Variants in TAOK1 observed in about 807,000 individuals in gnomAD.
TAOK1 encodes the protein TAO kinase 1.
TAOK1 carries 21 observed loss-of-function variants against 138.3 expected under a neutral mutation model. The ratio of observed to expected loss-of-function variants is 0.15; its 90% CI spans 0.11 to 0.22. TAOK1 has a LOEUF of 0.22. TAOK1 is among the 10% of genes least tolerant of loss of function. TAOK1 has a pLI of 1.00. For missense variants in TAOK1, 651 were observed against 1,227.7 expected (o/e 0.53, Z 7.02); for synonymous variants, 361 against 398.4 (o/e 0.91, Z 1.12).
At position 29,530,623 on chromosome 17, in the gene TAOK1, A is replaced by C. The variant is rs1176058348; in HGVS notation, c.2361+4A>C. ...TGAAATGCTCTCCACACAAGCCGTG[A>C]GTTTGCTTTTTTTGGGGCAAAACAA... On this transcript the variant is annotated splice_donor_region_variant and intron_variant, in intron 18 of 19. Coordinates refer to ENST00000261716, the MANE Select transcript of TAOK1 (RefSeq NM_020791.4). The C allele has an allele frequency of 6.2e-7, 1 of 1,613,658 alleles. No homozygotes were observed. The highest frequency in any genetic ancestry group is 1.1e-5 in the South Asian group (1 of 90,944).
rs2031011707 is a variant in TAOK1 at position 29,479,381 on chromosome 17, A to AT, written c.450-981dup. Among the ~76,000 whole-genome samples, 5 of 152,302 alleles carry AT rather than the reference A, an allele frequency of 3.3e-5. No homozygotes were observed. In the South Asian group the frequency reaches 1.0e-3, roughly 32 times the overall value. On this transcript the variant is annotated intron_variant, in intron 6 of 19. Transcript: ENST00000261716. ...AGTCATTGTGAGTTAATAGGTTATC[A>AT]TTTTTTAACATGAGGATAAGATCTG... is the stretch of plus-strand genomic sequence containing the variant.
chr17:29,415,912 G>A (rs181647746), intron 1 of TAOK1, among the ~76,000 whole-genome samples: 14 of 152,158 alleles, frequency 9.2e-5, no homozygotes, highest in African/African-American at 2.4e-4. Context: ...TCAAATATTC[G>A]CATATTGCCC....
At position 29,439,880 on chromosome 17, in the gene TAOK1, AAAAAAAAAT is replaced by A. The variant is rs1195103589; in HGVS notation, c.-94-11574_-94-11566del. On this transcript the variant is annotated intron_variant, in intron 1 of 19. Transcript: ENST00000261716. The stretch of plus-strand genomic sequence containing the variant: ...TCTGTCTCCTAAAAAAAAAAAAAAA[AAAAAAAAAT>A]TTTTTTTTAAGATAGTCTGTAATAT... Among the ~76,000 whole-genome samples the A allele has an allele frequency of 3.6e-4, 47 of 130,290 alleles. No individual in the cohort carries two copies. In the South Asian group the frequency reaches 8.6e-3, roughly 24 times the overall value. 85.5% of individuals were successfully genotyped at this position (130,290 alleles called of 152,430 possible).
chr17:29,535,123 G>A (rs1330000189), intron 19 of TAOK1, among the ~76,000 whole-genome samples: 3 of 152,198 alleles, frequency 2.0e-5, no homozygotes, highest in South Asian at 4.1e-4. Context: ...ACCAGCCTGG[G>A]CAACACAGGG....
At chr17:29,506,011 G>A (rs532011670) in intron 13 of TAOK1, among the ~76,000 whole-genome samples, 2 of 152,194 alleles carry the variant, frequency 1.3e-5, no homozygotes, top group Non-Finnish European at 2.9e-5. Context: ...ACACATTGTT[G>A]GTGATAACCT....
At chr17:29,472,784 C>T (rs1339106247) in intron 3 of TAOK1, among the ~76,000 whole-genome samples, 2 of 151,870 alleles carry the variant, frequency 1.3e-5, no homozygotes, top group Non-Finnish European at 2.9e-5. Context: ...CCATGTCGGT[C>T]AGGCTAGTCC....
intron 1 of TAOK1, among the ~76,000 whole-genome samples, chr17:29,412,420 C>T (rs1366854660): frequency 1.3e-5 from 2 of 152,212 alleles, no homozygotes; most frequent in East Asian, 3.9e-4. Context: ...CTTTTGGTCT[C>T]ATCTCTTCTT....
At chr17:29,458,973 G>A (rs1263500164) in intron 2 of TAOK1, among the ~76,000 whole-genome samples, 2 of 152,134 alleles carry the variant, frequency 1.3e-5, no homozygotes, top group East Asian at 3.9e-4. Flanking sequence ...ACCCGCCTTG[G>A]CCTCCCAACG....
Position 29,531,689 on chromosome 17 carries a change from G to A in TAOK1, c.2361+1070G>A, listed in dbSNP as rs550332897. Among the ~76,000 whole-genome samples the A allele has an allele frequency of 3.0e-3, 455 of 151,530 alleles. 6 individuals are homozygous for A. Among genetic ancestry groups the A allele is most frequent in the Non-Finnish European group, 9.0e-4 (61 of 67,904 alleles). ...GAGGCGGGAGAATCACCTGAACCCC[G>A]GGGGCAGAGGTTGCAGTGAGCCGAG... On this transcript the variant is annotated intron_variant, in intron 18 of 19. Coordinates refer to ENST00000261716, the MANE Select transcript of TAOK1 (RefSeq NM_020791.4).
At chr17:29,414,975 G>A (rs565841389) in intron 1 of TAOK1, among the ~76,000 whole-genome samples, 1 of 151,406 alleles carries the variant, frequency 6.6e-6, no homozygotes, top group Admixed American at 6.6e-5. Context: ...TTTTGCTCGG[G>A]GGTGGAGGAA....
At chr17:29,440,882 TG>T (rs2029923325) in intron 1 of TAOK1, among the ~76,000 whole-genome samples, 1 of 152,088 alleles carries the variant, frequency 6.6e-6, no homozygotes, top group African/African-American at 2.4e-5. Context: ...GCCTGTTGAG[TG>T]TTTTTATTAT....
chr17:29,475,410 T>G (rs2030923428), intron 3 of TAOK1, among the ~76,000 whole-genome samples: 1 of 152,036 alleles, frequency 6.6e-6, no homozygotes, highest in Non-Finnish European at 1.5e-5. Flanking sequence ...CATGGTGGTG[T>G]GCGCCTGTAG....
At chr17:29,494,824 T>TC (rs2031379565) in intron 10 of TAOK1, among the ~76,000 whole-genome samples, 2 of 67,592 alleles carry the variant, frequency 3.0e-5, no homozygotes, top group Non-Finnish European at 5.2e-5. Context: ...AGACTCCGTC[T>TC]CAAAAAAAAA....
intron 1 of TAOK1, among the ~76,000 whole-genome samples, chr17:29,439,012 C>T (rs1307567542): frequency 6.6e-6 from 1 of 151,820 alleles, no homozygotes; most frequent in Admixed American, 6.6e-5. Flanking sequence ...TACGTAGACA[C>T]TTTTTTTTCC....
Position 29,425,758 on chromosome 17 carries a change from C to G in TAOK1, c.-94-25697C>G, listed in dbSNP as rs1486710938. On this transcript the variant is annotated intron_variant, in intron 1 of 19. Transcript: ENST00000261716. ...ATAAATTATGTTTGAAAATATCATT[C>G]TTGTAATCTAAGATCAAGTGAAATT... Among the ~76,000 whole-genome samples, 4 of 152,142 alleles carry G rather than the reference C, an allele frequency of 2.6e-5. No individual in the cohort carries two copies. In the East Asian group the frequency reaches 7.7e-4, roughly 29 times the overall value.
chr17:29,390,828 C>CT lies in TAOK1; in HGVS notation c.-291_-290insT, dbSNP rs2153019046. The stretch of plus-strand genomic sequence containing the variant: ...TCGACCCCGGTCGTCCCCTCGCCCC[C>CT]CCCCCCACCCCCCGCCGCCGCCGCC... On this transcript the variant is annotated 5_prime_UTR_variant, in exon 1 of 20. Transcript: ENST00000261716. 1 of 150,830 alleles carries CT rather than the reference C, an allele frequency of 6.6e-6. No homozygotes were observed. Among genetic ancestry groups the CT allele is most frequent in the African/African-American group, 2.4e-5 (1 of 41,322 alleles). The allele number at this position is 150,830 out of a possible 1,614,324, so 9.3% of individuals were successfully genotyped here.
intron 1 of TAOK1, among the ~76,000 whole-genome samples, chr17:29,415,699 A>G (rs908154714): frequency 9.2e-5 from 14 of 152,308 alleles, no homozygotes; most frequent in South Asian, 8.3e-4. Flanking sequence ...TTAGCAAGAA[A>G]AGTCTTTGAA....
intron 19 of TAOK1, among the ~76,000 whole-genome samples, chr17:29,538,958 G>T (rs2032268353): frequency 6.6e-6 from 1 of 151,984 alleles, no homozygotes; most frequent in Non-Finnish European, 1.5e-5. Flanking sequence ...GTGTTTTTAA[G>T]TAAGAATTAA....
intron 1 of TAOK1, among the ~76,000 whole-genome samples, chr17:29,434,766 G>A (rs1201723137): frequency 2.6e-5 from 4 of 152,172 alleles, no homozygotes; most frequent in Admixed American, 6.5e-5. Flanking sequence ...ACGCTCACCT[G>A]CAATGTGCCT....
Sources: gnomAD v4.1 joint callset for allele counts (sites outside exome capture counted in the v4.1 genomes callset) on GRCh38, gnomAD v4.1.1 for gene constraint, MANE v1.5 for transcripts, NCBI Gene and HGNC (gene_info 2026-07-23, HGNC 2026-07-21) for gene names.